The following TRRAP variants were observed in gnomAD, a reference collection of about 807,000 sequenced individuals.
TRRAP encodes the protein transformation/transcription domain associated protein.
Under a neutral mutation model 438.8 loss-of-function variants are expected in TRRAP, and 41 were observed. That is an observed-to-expected ratio of 0.09 (90% CI 0.07 to 0.12). The LOEUF is 0.12. Among genes scored for constraint, TRRAP ranks in the 10% least tolerant of loss-of-function variants. TRRAP has a pLI of 1.00. For synonymous variants in TRRAP, 1,994 were observed against 1,962.9 expected (o/e 1.02, Z -0.42); for missense variants, 3,122 against 5,055.1 (o/e 0.62, Z 11.60).
intron 48 of TRRAP, among the ~76,000 whole-genome samples, chr7:98,965,159 C>T (rs571786367): frequency 2.6e-5 from 4 of 152,392 alleles, no homozygotes; most frequent in African/African-American, 9.6e-5. Flanking sequence ...CACACACACA[C>T]ACCTGCTTTT....
chr7:98,971,734 G>C (rs1173284666), intron 52 of TRRAP, 65 bp from the exon 53 acceptor site: 1 of 1,558,208 alleles, frequency 6.4e-7, no homozygotes. Flanking sequence ...CCTACAGGAG[G>C]TGTGTTTGTT....
intron 38 of TRRAP, 60 bp downstream of exon 38, chr7:98,950,322 C>T (rs1322381626): frequency 4.5e-6 from 7 of 1,570,874 alleles, no homozygotes; most frequent in Middle Eastern, 1.7e-4. Flanking sequence ...TTCTAGGGAA[C>T]TTTGGGCCCT....
At position 99,005,169 on chromosome 7, in the gene TRRAP, C is replaced by G; in HGVS notation, c.10574C>G (p.Thr3525Ser). ...PRVEIVQKHN[T>S]AARRLYIRGH... ...GTAGAGATTGTGCAGAAGCACAACA[C>G]CGCAGCCCGGCGGCTGTACATCCGG... Residue 3525 changes from threonine (T) to serine (S), a missense_variant, in exon 69 of 73, where the codon ACC (threonine) becomes AGC (serine). Around this residue, in one of 24 missense-constraint regions of TRRAP, gnomAD observed 95 missense variants for 144.1 expected, o/e 0.66. Transcript: ENST00000456197. This position sits in a 1 kb window ranked among gnomAD's most constrained non-coding sequence, Gnocchi z 5.1. 6.2e-7 allele frequency: 1 copy of G among 1,614,022 alleles called. No homozygotes were observed. The highest frequency in any genetic ancestry group is 8.5e-7 in the Non-Finnish European group (1 of 1,180,042).
At position 98,955,204 on chromosome 7, in the gene TRRAP, A is replaced by G. The variant is rs1554419305; in HGVS notation, c.5837A>G (p.His1946Arg). The G allele has an allele frequency of 6.2e-7, 1 of 1,614,228 alleles. No individual in the cohort carries two copies. The highest frequency in any genetic ancestry group is 2.2e-5 in the East Asian group (1 of 44,880). The change falls in exon 41 of 73, where the codon CAC (histidine) becomes CGC (arginine). Residue 1946 changes from histidine (H) to arginine (R), a missense_variant. By Grantham distance (29) the His-to-Arg change is conservative. Around this residue, in one of 24 missense-constraint regions of TRRAP, gnomAD observed 35 missense variants for 104.9 expected, o/e 0.33. Coordinates refer to ENST00000456197, the MANE Select transcript of TRRAP (RefSeq NM_001375524.1). ...PAVPARMEDG[H>R]QMLTHWTRKI... ...GTGCCGGCCAGGATGGAGGACGGGC[A>G]CCAGATGCTGACCCACTGGACCCGG...
At chr7:98,938,565 A>T (rs1790659409) in intron 30 of TRRAP, among the ~76,000 whole-genome samples, 1 of 151,772 alleles carries the variant, frequency 6.6e-6, no homozygotes, top group African/African-American at 2.4e-5. Flanking sequence ...TACAATATAT[A>T]TATACACAGT....
chr7:98,996,200 A>C lies in TRRAP; in HGVS notation c.10309+1352A>C, dbSNP rs1793654845. Among the ~76,000 whole-genome samples, 4 of 152,268 alleles carry C rather than the reference A, an allele frequency of 2.6e-5. No homozygotes were observed. The South Asian group carries it at 8.3e-4, about 32-fold the overall frequency. On this transcript the variant is annotated intron_variant, in intron 67 of 72. Transcript: ENST00000456197. Reference sequence around the variant, plus strand: ...CGTATGCACTGTGTCCCATCTACACACCCACATCACATCTGCGCATCCACA... The same window carrying C: ...CGTATGCACTGTGTCCCATCTACACCCCCACATCACATCTGCGCATCCACA...
chr7:98,992,564 T>C lies in TRRAP; in HGVS notation c.9847+337T>C, dbSNP rs530656716. On this transcript the variant is annotated intron_variant, in intron 65 of 72. Transcript: ENST00000456197. ...TACACAGCAGATGCCAGCTGCCGTG[T>C]GTGTGTGTGTGTGTGTGTGTGTGTT... Among the ~76,000 whole-genome samples the C allele has an allele frequency of 4.7e-5, 7 of 149,412 alleles. No individual in the cohort carries two copies. The East Asian group carries it at 1.2e-3, about 25-fold the overall frequency.
Position 98,906,193 on chromosome 7 carries a change from G to A in TRRAP, c.1053G>A (p.Met351Ile), listed in dbSNP as rs1796719431. The A allele has an allele frequency of 1.2e-6, 2 of 1,613,760 alleles. No homozygotes were observed. The highest frequency in any genetic ancestry group is 1.7e-6 in the Non-Finnish European group (2 of 1,179,802). ...GTCTTCTAGAGTTCATTCCTTGCATGGACAAGCTGTTTGATGAATCCATAC... is the reference window on the plus strand; with the variant it reads ...GTCTTCTAGAGTTCATTCCTTGCATAGACAAGCTGTTTGATGAATCCATAC... Reference protein sequence around the residue: ...TELRNQFIPCMDKLFDESILI... With the variant: ...TELRNQFIPCIDKLFDESILI... Residue 351 changes from methionine to isoleucine, a missense_variant, in exon 13 of 73, where the codon ATG (methionine) becomes ATA (isoleucine). By Grantham distance (10) the Met-to-Ile change is conservative. This residue lies in a region of TRRAP where 343 missense variants were observed against 564.0 expected (regional missense o/e 0.61). Transcript: ENST00000456197.
chr7:98,903,070 G>A (rs1020825983), intron 11 of TRRAP, among the ~76,000 whole-genome samples: 8 of 151,862 alleles, frequency 5.3e-5, no homozygotes, highest in Middle Eastern at 3.4e-3. Context: ...CTTTCATGCT[G>A]GAGTGCAGTG....
rs782137481 is a variant in TRRAP at position 98,908,794 on chromosome 7, C to T, written c.1182C>T (p.Asp394=). 4.4e-6 allele frequency: 7 copies of T among 1,596,428 alleles called. No individual in the cohort carries two copies. The highest frequency in any genetic ancestry group is 5.1e-6 in the Non-Finnish European group (6 of 1,171,722). Residue 394 remains aspartate, a synonymous_variant, in exon 14 of 73, where the codon GAC becomes GAT. Coordinates refer to ENST00000456197, the MANE Select transcript of TRRAP (RefSeq NM_001375524.1). The surrounding 1 kb of genome is among the most constrained non-coding windows in gnomAD (Gnocchi z 4.1). ...HHVRQHLPLS[D]LSLAVQLFAK... is the part of the protein sequence containing the mutation. Reference sequence around the variant, plus strand: ...TCCGCCAGCACCTGCCCCTCAGCGACCTCTCCCTCGCCGTCCAGCTCTTCG... The same window carrying T: ...TCCGCCAGCACCTGCCCCTCAGCGATCTCTCCCTCGCCGTCCAGCTCTTCG...
At chr7:98,897,700 G>T in intron 7 of TRRAP, 41 bp from the exon 8 acceptor site, 2 of 1,580,888 alleles carry the variant, frequency 1.3e-6, no homozygotes, top group Non-Finnish European at 8.6e-7. Context: ...TGAATATTGG[G>T]TTTGACTTTA....
At chr7:98,932,373 A>C (rs1264705411) in intron 26 of TRRAP, among the ~76,000 whole-genome samples, 1 of 152,188 alleles carries the variant, frequency 6.6e-6, no homozygotes, top group Non-Finnish European at 1.5e-5. Context: ...TTGGCCTCCC[A>C]AAGTGCTGGG....
At chr7:98,993,187 G>A (rs778020114) in intron 65 of TRRAP, among the ~76,000 whole-genome samples, 2 of 152,204 alleles carry the variant, frequency 1.3e-5, no homozygotes, top group African/African-American at 2.4e-5. Flanking sequence ...ATGATCAGAC[G>A]TAACAGAAAC....
intron 6 of TRRAP, 68 bp downstream of exon 6, chr7:98,893,949 G>A: frequency 6.5e-7 from 1 of 1,531,904 alleles, no homozygotes; most frequent in South Asian, 1.2e-5. Flanking sequence ...GAAATTTTTT[G>A]CTGTCTCAAA....
intron 26 of TRRAP, 129 bp from the exon 27 acceptor site, chr7:98,933,112 A>T: frequency 7.8e-7 from 1 of 1,276,212 alleles, no homozygotes. Flanking sequence ...CATGAAATGT[A>T]TCTCCCGTTC....
At chr7:98,896,507 T>C (rs1554405766) in intron 7 of TRRAP, among the ~76,000 whole-genome samples, 1 of 151,978 alleles carries the variant, frequency 6.6e-6, no homozygotes, top group African/African-American at 2.4e-5. Context: ...CCTTCTGAGT[T>C]CAAGCAATTC....
intron 3 of TRRAP, among the ~76,000 whole-genome samples, chr7:98,883,042 ATTTC>A (rs1160945222): frequency 2.0e-5 from 3 of 152,224 alleles, no homozygotes; most frequent in African/African-American, 7.2e-5. Context: ...TCTGGATGTC[ATTTC>A]TGGTTCTGCT....
In TRRAP at chr7:98,881,976, T is replaced by A; in HGVS notation, c.102T>A (p.Pro34=). ...TGATGCTTGTTTTGCCGTTCACAGC[T>A]GATGAAACAAAGTTGAAAATGATGC... ...FVAALTDVNT[P]DETKLKMMQE... The change falls in exon 3 of 73, where the codon CCT becomes CCA. Residue 34 remains proline (P), a splice_region_variant and synonymous_variant. Transcript: ENST00000456197. 2 of 1,611,636 alleles carry A rather than the reference T, an allele frequency of 1.2e-6. No homozygotes were observed. Among genetic ancestry groups the A allele is most frequent in the Non-Finnish European group, 1.7e-6 (2 of 1,179,444 alleles).
In TRRAP at chr7:99,005,300, T is replaced by C; in HGVS notation, c.10705T>C (p.Cys3569Arg). ...GCAGCTGCTGCGTCTGCTGAACCCCTGTTTGGAGAAGAGAAAGGAGACCAC... is the reference window on the plus strand; with the variant it reads ...GCAGCTGCTGCGTCTGCTGAACCCCCGTTTGGAGAAGAGAAAGGAGACCAC... The part of the protein sequence containing the change: ...VLQLLRLLNP[C>R]LEKRKETTKR... Residue 3569 changes from cysteine (C) to arginine (R), a missense_variant, in exon 69 of 73, where the codon TGT becomes CGT. This residue lies in a region of TRRAP where 95 missense variants were observed against 144.1 expected (regional missense o/e 0.66). Transcript: ENST00000456197. This position sits in a 1 kb window ranked among gnomAD's most constrained non-coding sequence, Gnocchi z 5.1. The C allele has an allele frequency of 6.2e-7, 1 of 1,613,944 alleles. No homozygotes were observed. The highest frequency in any genetic ancestry group is 8.5e-7 in the Non-Finnish European group (1 of 1,179,998).
Sources: allele counts gnomAD v4.1 joint callset (sites outside exome capture counted in the v4.1 genomes callset), GRCh38; gene constraint gnomAD v4.1.1; regional missense constraint gnomAD v4.1.1; non-coding constraint Gnocchi (gnomAD v3.1); transcripts MANE v1.5; gene names NCBI Gene and HGNC (gene_info 2026-07-23, HGNC 2026-07-21).